The following DOCK10 variants were observed in gnomAD, a reference collection of about 807,000 sequenced individuals.
The protein encoded by DOCK10 is dedicator of cytokinesis 10.
DOCK10 carries 145 observed loss-of-function variants against 280.1 expected under a neutral mutation model. That is an observed-to-expected ratio of 0.52 (90% CI 0.45 to 0.59). DOCK10 has a LOEUF of 0.59. DOCK10 is among the 20% of genes least tolerant of loss of function. The pLI is 0.00. For synonymous variants in DOCK10, 915 were observed against 942.2 expected, an observed-to-expected ratio of 0.97 and a Z score of 0.53; for missense variants, 2,368 against 2,651.7, an observed-to-expected ratio of 0.89 and a Z score of 2.35.
chr2:224,890,629 C>T (rs1273567386), intron 4 of DOCK10, among the ~76,000 whole-genome samples: 7 of 152,168 alleles, frequency 4.6e-5, no homozygotes, highest in South Asian at 2.1e-4. Flanking sequence ...GCTACTGATA[C>T]GTGCAACAAC....
At chr2:224,973,708 G>C (rs529247715) in intron 1 of DOCK10, among the ~76,000 whole-genome samples, 4 of 152,314 alleles carry the variant, frequency 2.6e-5, no homozygotes, top group African/African-American at 9.6e-5. Flanking sequence ...ATTTATTACA[G>C]CAGAAATAGG....
chr2:224,859,643 A>T (rs1697371946), intron 14 of DOCK10, among the ~76,000 whole-genome samples: 1 of 152,218 alleles, frequency 6.6e-6, no homozygotes, highest in Non-Finnish European at 1.5e-5. Flanking sequence ...ATATGGTCAT[A>T]ATCTAAATTG....
intron 51 of DOCK10, among the ~76,000 whole-genome samples, chr2:224,775,564 C>G (rs1192545323): frequency 6.6e-6 from 1 of 152,182 alleles, no homozygotes; most frequent in African/African-American, 2.4e-5. Flanking sequence ...CAACCTCCCC[C>G]TCCTGGGTTC....
intron 42 of DOCK10, among the ~76,000 whole-genome samples, chr2:224,797,438 T>C (rs1320800647): frequency 6.6e-6 from 1 of 152,190 alleles, no homozygotes; most frequent in African/African-American, 2.4e-5. Context: ...TCAATTCACC[T>C]GACATTGTTA....
chr2:225,037,969 ACTT>A (rs1690306641), intron 1 of DOCK10, among the ~76,000 whole-genome samples: 1 of 152,198 alleles, frequency 6.6e-6, no homozygotes, highest in South Asian at 2.1e-4. Flanking sequence ...GTTTGTGTTG[ACTT>A]CTTCTCCAGG....
chr2:224,787,332 G>C lies in DOCK10; in HGVS notation c.5484C>G (p.Leu1828=). ...EFLWKSERYE[L]IADVNKPIIA... ...TGATGGGCTTGTTGACATCAGCAAT[G>C]AGTTCATATCGCTCAGACTTCCAGA... Residue 1828 remains leucine (L), a synonymous_variant, in exon 49 of 56, where the codon CTC becomes CTG. Coordinates refer to ENST00000258390, the MANE Select transcript of DOCK10 (RefSeq NM_014689.3). The C allele has an allele frequency of 6.2e-7, 1 of 1,613,974 alleles. No individual in the cohort carries two copies. Among genetic ancestry groups the C allele is most frequent in the Non-Finnish European group, 8.5e-7 (1 of 1,179,858 alleles).
rs117551441 is a variant in DOCK10, at chr2:224,867,965, C to T, written c.1258-2878G>A. 8.5e-4 allele frequency among the ~76,000 whole-genome samples: 129 copies of T among 152,176 alleles called. 2 individuals are homozygous for T. Among genetic ancestry groups the T allele is most frequent in the East Asian group, 8.3e-3 (43 of 5,186 alleles). On this transcript the variant is annotated intron_variant, in intron 11 of 55. Coordinates refer to ENST00000258390, the MANE Select transcript of DOCK10 (RefSeq NM_014689.3). ...CAAATGGGATATAGAAAGTCATCTG[C>T]GGGACATCCCAGTGGCAGTTGGATG...
At chr2:224,943,202 C>T (rs918522755) in intron 1 of DOCK10, among the ~76,000 whole-genome samples, 2 of 152,166 alleles carry the variant, frequency 1.3e-5, no homozygotes, top group Non-Finnish European at 2.9e-5. Context: ...AAGCTTTTTT[C>T]ATAACACAAC....
Position 224,807,702 on chromosome 2 carries a change from T to A in DOCK10, c.3668A>T (p.Asp1223Val). The A allele has an allele frequency of 1.9e-6, 3 of 1,570,900 alleles. No homozygotes were observed. The highest frequency in any genetic ancestry group is 2.6e-6 in the Non-Finnish European group (3 of 1,156,170). ...LDNMPRIYLKDLYPFTVNTSN... is the reference protein window; with the variant it reads ...LDNMPRIYLKVLYPFTVNTSN... ...TGTATTGACAGTAAAAGGATACAGG[T>A]CCTTCAGATAAATCCTTGGCATATT... Residue 1223 changes from aspartate (D) to valine (V), a missense_variant, in exon 33 of 56, where the codon GAC (aspartate) becomes GTC (valine). Asp to Val is a radical substitution (Grantham distance 152, BLOSUM62 -3). This residue lies in a region of DOCK10 where 1,159 missense variants were observed against 1,400.8 expected (regional missense o/e 0.83). Coordinates refer to ENST00000258390, the MANE Select transcript of DOCK10 (RefSeq NM_014689.3).
At chr2:224,949,182 G>A (rs55977968) in intron 1 of DOCK10, among the ~76,000 whole-genome samples, 9,254 of 152,230 alleles carry the variant, frequency 0.061, 297 homozygotes, top group Middle Eastern at 0.12. Flanking sequence ...TCTTCTCCTC[G>A]TTTCTAGACC....
At chr2:224,834,391 C>T in intron 25 of DOCK10, 128 bp from the exon 26 acceptor site, 1 of 651,444 alleles carries the variant, frequency 1.5e-6, no homozygotes, top group Non-Finnish European at 2.8e-6. Context: ...GAGATAAATG[C>T]AGGCCCAATG....
intron 19 of DOCK10, 87 bp from the exon 20 acceptor site, chr2:224,845,729 CT>C (rs796185255): frequency 0.086 from 82,834 of 968,438 alleles, no homozygotes; most frequent in South Asian, 0.13. Context: ...TTTAAACAAT[CT>C]TTTTTTTTTT....
At position 224,865,081 on chromosome 2, in the gene DOCK10, G is replaced by C. The variant is rs757332999; in HGVS notation, c.1264C>G (p.Pro422Ala). Residue 422 changes from proline (P) to alanine (A), a missense_variant, in exon 12 of 56, where the codon CCT (proline) becomes GCT (alanine). Physicochemically the swap from Pro to Ala is conservative, Grantham distance 27. Coordinates refer to ENST00000258390, the MANE Select transcript of DOCK10 (RefSeq NM_014689.3). ...TAAAGTGCCACACTCACAAAAAAAG[G>C]CTCAATCTGCATGAAAAAGAAAGAA... ...NENDPITNIE[P>A]FFVSVALYDL... 14 of 1,613,116 alleles carry C rather than the reference G, an allele frequency of 8.7e-6. No homozygotes were observed. Among genetic ancestry groups the C allele is most frequent in the South Asian group, 1.1e-5 (1 of 90,930 alleles).
At position 224,807,682 on chromosome 2, in the gene DOCK10, T is replaced by C. The variant is rs765160296; in HGVS notation, c.3688A>G (p.Asn1230Asp). The change falls in exon 33 of 56, where the codon AAT (asparagine) becomes GAT (aspartate). Residue 1230 changes from asparagine (N) to aspartate (D), a missense_variant. By Grantham distance (23) the Asn-to-Asp change is conservative. Transcript: ENST00000258390. ...TGCAAACGTACCTGATTAGATGTAT[T>C]GACAGTAAAAGGATACAGGTCCTTC... is the stretch of plus-strand genomic sequence containing the variant. ...YLKDLYPFTV[N>D]TSNQGSRDDL... 4.0e-5 allele frequency: 63 copies of C among 1,558,222 alleles called. No individual in the cohort carries two copies. Among genetic ancestry groups the C allele is most frequent in the Non-Finnish European group, 3.5e-6 (4 of 1,146,878 alleles).
intron 1 of DOCK10, among the ~76,000 whole-genome samples, chr2:224,960,779 G>A (rs557980786): frequency 7.0e-5 from 8 of 115,028 alleles, no homozygotes; most frequent in South Asian, 2.8e-4. Flanking sequence ...TCGCTCTGTC[G>A]CCCAGGCTGG....
rs759355958 is a variant in DOCK10 at position 224,807,775 on chromosome 2, C to T, written c.3595G>A (p.Ala1199Thr). 1.5e-5 allele frequency: 24 copies of T among 1,568,060 alleles called. No homozygotes were observed. The highest frequency in any genetic ancestry group is 5.7e-5 in the Admixed American group (3 of 52,554). The change falls in exon 33 of 56, where the codon GCC becomes ACC. Residue 1199 changes from alanine to threonine, a missense_variant. Physicochemically the swap from Ala to Thr is moderately conservative, Grantham distance 58. This residue lies in a region of DOCK10 where 1,159 missense variants were observed against 1,400.8 expected (regional missense o/e 0.83). Coordinates refer to ENST00000258390, the MANE Select transcript of DOCK10 (RefSeq NM_014689.3). ...GGCATGTATAAACTTGCTATCTGGG[C>T]CTGCTTTCTCTAGGAGAAAAGGTAG... The part of the protein sequence containing the change: ...DDRYREPRKQ[A>T]QIASLYMPLY...
rs1254992628 is a variant in DOCK10, at chr2:224,845,300, A to G, written c.2384T>C (p.Met795Thr). ...TSVGYAWLPL[M>T]KHDQIASQEY... ...TTGAGAAGCTATCTGATCGTGTTTC[A>G]TCAGAGGAAGCCAAGCATATCCAAC... is the stretch of plus-strand genomic sequence containing the variant. The change falls in exon 21 of 56, where the codon ATG becomes ACG. Residue 795 changes from methionine (M) to threonine (T), a missense_variant. Transcript: ENST00000258390. The G allele has an allele frequency of 4.4e-6, 7 of 1,591,476 alleles. No individual in the cohort carries two copies. The highest frequency in any genetic ancestry group is 2.3e-5 in the East Asian group (1 of 44,328).
At chr2:224,913,853 G>A (rs1488035711) in intron 3 of DOCK10, among the ~76,000 whole-genome samples, 1 of 151,996 alleles carries the variant, frequency 6.6e-6, no homozygotes, top group Non-Finnish European at 1.5e-5. Context: ...TCCCCCTGCT[G>A]AGTAGTTGGG....
At chr2:224,959,437 CTTTTT>C (rs55894832) in intron 1 of DOCK10, among the ~76,000 whole-genome samples, 13 of 142,356 alleles carry the variant, frequency 9.1e-5, no homozygotes, top group Admixed American at 1.4e-4. Context: ...TTATTATTTT[CTTTTT>C]TTTTTTTTTT....
Sources: gnomAD v4.1 joint callset for allele counts (sites outside exome capture counted in the v4.1 genomes callset) on GRCh38, gnomAD v4.1.1 for gene constraint, gnomAD v4.1.1 regional missense constraint, MANE v1.5 for transcripts, NCBI Gene and HGNC (gene_info 2026-07-23, HGNC 2026-07-21) for gene names.